Variants in DPP6 observed in about 807,000 individuals in gnomAD.
The protein encoded by DPP6 is dipeptidyl peptidase like 6.
DPP6 carries 69 observed loss-of-function variants against 122.6 expected under a neutral mutation model. The observed-to-expected ratio is 0.56, with a 90% confidence interval of 0.46 to 0.69. DPP6 has a LOEUF of 0.69. DPP6 is among the 30% of genes least tolerant of loss of function. The probability of loss-of-function intolerance (pLI) is 0.00; values close to 1 mark genes in which losing one functional copy is unlikely to be tolerated. For missense variants in DPP6, 928 were observed against 1,116.9 expected (o/e 0.83, Z 2.41); for synonymous variants, 418 against 433.1 (o/e 0.97, Z 0.43).
At chr7:154,853,850 A>G in intron 17 of DPP6, 23 bp downstream of exon 17, 2 of 1,612,870 alleles carry the variant, frequency 1.2e-6, no homozygotes, top group Admixed American at 1.7e-5. Flanking sequence ...TTTTTTCCTT[A>G]AATCTTCCTG....
At chr7:153,913,627 C>T (rs1421876861) in intron 1 of DPP6, among the ~76,000 whole-genome samples, 6 of 152,044 alleles carry the variant, frequency 3.9e-5, no homozygotes, top group Non-Finnish European at 8.8e-5. Flanking sequence ...CATCACATCT[C>T]CCTTTAGCAT....
At chr7:154,243,436 A>G (rs1801773932) in intron 1 of DPP6, among the ~76,000 whole-genome samples, 2 of 152,228 alleles carry the variant, frequency 1.3e-5, no homozygotes, top group African/African-American at 4.8e-5. Context: ...TAGAGAAATT[A>G]TAACTGTAAA....
At chr7:154,809,029 G>A (rs957434594) in intron 16 of DPP6, among the ~76,000 whole-genome samples, 2 of 152,198 alleles carry the variant, frequency 1.3e-5, no homozygotes, top group Admixed American at 6.5e-5. Context: ...GGGATCTGAG[G>A]TCTGCACTGG....
chr7:154,560,339 A>G (rs1830342919), intron 4 of DPP6, among the ~76,000 whole-genome samples: 1 of 152,172 alleles, frequency 6.6e-6, no homozygotes, highest in Non-Finnish European at 1.5e-5. Flanking sequence ...CTGACATGGA[A>G]AGTGAAAATA....
At chr7:154,763,832 G>C (rs1436655193) in intron 8 of DPP6, among the ~76,000 whole-genome samples, 1 of 152,172 alleles carries the variant, frequency 6.6e-6, no homozygotes, top group Non-Finnish European at 1.5e-5. Flanking sequence ...GCGGCAGGAG[G>C]GTGTGGGGAG....
At chr7:153,900,961 AGTTTT>A (rs1213974087) in intron 1 of DPP6, among the ~76,000 whole-genome samples, 1 of 152,114 alleles carries the variant, frequency 6.6e-6, no homozygotes, top group Non-Finnish European at 1.5e-5. Context: ...TTCATTTTAG[AGTTTT>A]GTTATTAAGG....
intron 1 of DPP6, among the ~76,000 whole-genome samples, chr7:153,888,029 C>T (rs1019598061): frequency 2.6e-5 from 4 of 152,320 alleles, no homozygotes; most frequent in East Asian, 3.9e-4. Context: ...GGGGAGCCCT[C>T]GCTGACCGCG....
intron 1 of DPP6, among the ~76,000 whole-genome samples, chr7:154,147,480 TCC>T (rs1796159284): frequency 2.9e-5 from 4 of 135,678 alleles, no homozygotes; most frequent in South Asian, 2.1e-4. Flanking sequence ...CTTCCTTCCT[TCC>T]TTCCTTCCTT....
At position 154,894,021 on chromosome 7, in the gene DPP6, T is replaced by C. The variant is rs933821735; in HGVS notation, c.*1541T>C. 1.3e-5 allele frequency: 2 copies of C among 152,174 alleles called. No homozygotes were observed. Among genetic ancestry groups the C allele is most frequent in the Non-Finnish European group, 2.9e-5 (2 of 68,034 alleles). The allele number at this position is 152,174 out of a possible 1,614,324, so 9.4% of individuals were successfully genotyped here. On this transcript the variant is annotated 3_prime_UTR_variant, in exon 26 of 26. Coordinates refer to ENST00000377770, the MANE Select transcript of DPP6 (RefSeq NM_130797.4). ...CCACATGAGCTCTGAACGTCCGTTA[T>C]AGTTAGGGTGATTGGAAGGTCTCCA...
chr7:154,036,693 G>A (rs1307191077), intron 1 of DPP6, among the ~76,000 whole-genome samples: 1 of 151,798 alleles, frequency 6.6e-6, no homozygotes, highest in Non-Finnish European at 1.5e-5. Context: ...ACCCGTTCAA[G>A]CAAGGGGTAT....
At position 154,760,652 on chromosome 7, in the gene DPP6, G is replaced by A. The variant is rs550208193; in HGVS notation, c.884-8765G>A. 1.1e-4 allele frequency among the ~76,000 whole-genome samples: 17 copies of A among 152,128 alleles called. No individual in the cohort carries two copies. Among genetic ancestry groups the A allele is most frequent in the African/African-American group, 2.9e-4 (12 of 41,422 alleles). ...GTCGATTAACAAATGAGTGAGAAAC[G>A]AGAACATCCTTGCCACACTGGGACC... On this transcript the variant is annotated intron_variant, in intron 8 of 25. Coordinates refer to ENST00000377770, the MANE Select transcript of DPP6 (RefSeq NM_130797.4). The surrounding 1 kb of genome is among the most constrained non-coding windows in gnomAD (Gnocchi z 4.5).
At chr7:154,061,594 CT>C (rs1393581963) in intron 1 of DPP6, among the ~76,000 whole-genome samples, 1 of 145,708 alleles carries the variant, frequency 6.9e-6, no homozygotes, top group African/African-American at 2.6e-5. Flanking sequence ...CTCTTCCCCC[CT>C]GGCTCTTGGG....
intron 1 of DPP6, among the ~76,000 whole-genome samples, chr7:154,066,573 C>T (rs1802744191): frequency 6.6e-6 from 1 of 152,142 alleles, no homozygotes; most frequent in African/African-American, 2.4e-5. Flanking sequence ...GGGAGGGGTG[C>T]ATGGGAAGGG....
chr7:154,141,350 G>C (rs71534105), intron 1 of DPP6, among the ~76,000 whole-genome samples: 1 of 152,074 alleles, frequency 6.6e-6, no homozygotes, highest in African/African-American at 2.4e-5. Flanking sequence ...CCCCTCCTCA[G>C]TGCGACTCCC....
chr7:154,093,990 G>A (rs1361304786), intron 1 of DPP6: 1 of 152,180 alleles, frequency 6.6e-6, no homozygotes, highest in Non-Finnish European at 1.5e-5. Context: ...AAAAGAATGA[G>A]GTTTTCTGCA....
At chr7:154,378,036 C>T (rs1345776692) in intron 1 of DPP6, among the ~76,000 whole-genome samples, 3 of 152,142 alleles carry the variant, frequency 2.0e-5, no homozygotes, top group East Asian at 1.9e-4. Flanking sequence ...GTCCTGTGTC[C>T]ATAATTGTAA....
chr7:154,816,499 G>C (rs1337881825), intron 16 of DPP6, among the ~76,000 whole-genome samples: 1 of 152,080 alleles, frequency 6.6e-6, no homozygotes, highest in South Asian at 2.1e-4. Context: ...GGTGGATATG[G>C]GGCACCACTG....
intron 1 of DPP6, among the ~76,000 whole-genome samples, chr7:154,270,072 C>T (rs145192377): frequency 1.3e-5 from 2 of 152,298 alleles, no homozygotes; most frequent in East Asian, 1.9e-4. Context: ...TCTCATGATT[C>T]TAATTCTCAT....
At chr7:154,861,589 T>C (rs868325801) in intron 17 of DPP6, among the ~76,000 whole-genome samples, 2 of 152,358 alleles carry the variant, frequency 1.3e-5, no homozygotes, top group South Asian at 4.1e-4. Context: ...CCGGTGACCA[T>C]AAGGCCATAA....
Sources: allele counts gnomAD v4.1 joint callset (sites outside exome capture counted in the v4.1 genomes callset), GRCh38; gene constraint gnomAD v4.1.1; non-coding constraint Gnocchi (gnomAD v3.1); transcripts MANE v1.5; gene names NCBI Gene and HGNC (gene_info 2026-07-23, HGNC 2026-07-21).